The following PTPRT variants were observed in gnomAD, a reference collection of about 807,000 sequenced individuals.
PTPRT encodes the protein receptor-type tyrosine-protein phosphatase T.
PTPRT carries 56 observed loss-of-function variants against 176.8 expected under a neutral mutation model. That is an observed-to-expected ratio of 0.32 (90% CI 0.26 to 0.40). The LOEUF (loss-of-function observed/expected upper bound fraction) is 0.40, where lower values mean the gene tolerates loss of function less well. Among genes scored for constraint, PTPRT ranks in the 10% least tolerant of loss-of-function variants. PTPRT has a pLI of 1.00. For synonymous variants in PTPRT, 783 were observed against 739.0 expected (o/e 1.06, Z -0.96); for missense variants, 1,540 against 1,908.2 (o/e 0.81, Z 3.60).
chr20:42,980,923 C>T (rs1033558410), intron 1 of PTPRT, among the ~76,000 whole-genome samples: 5 of 152,162 alleles, frequency 3.3e-5, no homozygotes, highest in South Asian at 4.1e-4. Flanking sequence ...AAGGAGAGAG[C>T]GTCCCTATCT....
intron 12 of PTPRT, among the ~76,000 whole-genome samples, chr20:42,285,634 C>G (rs1196988432): frequency 6.6e-6 from 1 of 151,482 alleles, no homozygotes; most frequent in Admixed American, 6.6e-5. Context: ...ACAGGCATGG[C>G]AAAGAAAGCT....
At chr20:42,388,698 A>C (rs575073510) in intron 9 of PTPRT, among the ~76,000 whole-genome samples, 1 of 152,352 alleles carries the variant, frequency 6.6e-6, no homozygotes, top group South Asian at 2.1e-4. Context: ...TAGTTCAACC[A>C]TTGTGGAAGA....
chr20:42,160,627 C>T (rs1253328093), intron 17 of PTPRT, among the ~76,000 whole-genome samples: 3 of 152,138 alleles, frequency 2.0e-5, no homozygotes, highest in African/African-American at 7.2e-5. Flanking sequence ...GCCTTACCAG[C>T]AATGTAGATG....
At chr20:42,664,893 T>C (rs1173971511) in intron 7 of PTPRT, among the ~76,000 whole-genome samples, 1 of 152,172 alleles carries the variant, frequency 6.6e-6, no homozygotes, top group Non-Finnish European at 1.5e-5. Context: ...CGGGTAGCCA[T>C]ATGTAGAAAG....
intron 7 of PTPRT, among the ~76,000 whole-genome samples, chr20:42,475,118 C>T (rs143227886): frequency 6.6e-6 from 1 of 152,254 alleles, no homozygotes; most frequent in African/African-American, 2.4e-5. Flanking sequence ...AGACAAAACA[C>T]CACTGATGGA....
chr20:43,004,462 G>C (rs1393884232), intron 1 of PTPRT, among the ~76,000 whole-genome samples: 1 of 152,122 alleles, frequency 6.6e-6, no homozygotes, highest in East Asian at 1.9e-4. Flanking sequence ...TCAACTAATA[G>C]ACTGGTACCT....
chr20:42,679,312 C>A (rs1477237234), intron 6 of PTPRT, among the ~76,000 whole-genome samples: 37 of 149,738 alleles, frequency 2.5e-4, no homozygotes, highest in Middle Eastern at 6.9e-3. Flanking sequence ...AAAAAAAAAA[C>A]TGACAACCTA....
chr20:42,384,430 C>A (rs1054065056), intron 9 of PTPRT, among the ~76,000 whole-genome samples: 1 of 152,016 alleles, frequency 6.6e-6, no homozygotes, highest in Non-Finnish European at 1.5e-5. Flanking sequence ...GACAAGGGTG[C>A]GAGGGTGTTT....
intron 9 of PTPRT, among the ~76,000 whole-genome samples, chr20:42,365,145 T>C (rs1056957421): frequency 1.3e-5 from 2 of 152,180 alleles, no homozygotes; most frequent in East Asian, 1.9e-4. Flanking sequence ...CAACACAAAA[T>C]TATTGAGGAT....
chr20:42,773,029 T>TAACA lies in PTPRT; in HGVS notation c.569-1483_569-1480dup, dbSNP rs541511950. Among the ~76,000 whole-genome samples, 6 of 152,302 alleles carry TAACA rather than the reference T, an allele frequency of 3.9e-5. 1 individual carries two copies. The South Asian group carries it at 1.2e-3, about 32-fold the overall frequency. On this transcript the variant is annotated intron_variant, in intron 4 of 30. Coordinates refer to ENST00000373187, the MANE Select transcript of PTPRT (RefSeq NM_007050.6). Reference sequence around the variant, plus strand: ...CCACTTTAGCCCCAAACTCAGCATGTAACAAGCAGCTATGCTCCCTTGCCT... The same window carrying TAACA: ...CCACTTTAGCCCCAAACTCAGCATGTAACAAACAAGCAGCTATGCTCCCTTGCCT...
rs532968413 is a variant in PTPRT, at chr20:42,564,497, T to C, written c.1154-91935A>G. 4.6e-5 allele frequency among the ~76,000 whole-genome samples: 7 copies of C among 152,230 alleles called. No homozygotes were observed. The South Asian group carries it at 1.2e-3, about 27-fold the overall frequency. On this transcript the variant is annotated intron_variant, in intron 7 of 30. Coordinates refer to ENST00000373187, the MANE Select transcript of PTPRT (RefSeq NM_007050.6). ...CAGGAACAGAAAACCAAACACCGCA[T>C]GTTTTCACTCATAAGTGGGGGTTGA...
At chr20:43,053,218 C>T (rs1987113178) in intron 1 of PTPRT, among the ~76,000 whole-genome samples, 1 of 152,210 alleles carries the variant, frequency 6.6e-6, no homozygotes, top group South Asian at 2.1e-4. Context: ...TCTCTCTCTT[C>T]CCCATCACTC....
chr20:42,531,073 G>GAAAC (rs1568954576), intron 7 of PTPRT, among the ~76,000 whole-genome samples: 1 of 152,232 alleles, frequency 6.6e-6, no homozygotes, highest in East Asian at 1.9e-4. Context: ...CCCACCTGCG[G>GAAAC]TTTGGAAGCT....
At chr20:43,158,701 A>G (rs2014598672) in intron 1 of PTPRT, among the ~76,000 whole-genome samples, 1 of 152,156 alleles carries the variant, frequency 6.6e-6, no homozygotes, top group African/African-American at 2.4e-5. Flanking sequence ...ACTCTATAAC[A>G]ATACTGGTAC....
intron 1 of PTPRT, chr20:42,971,408 CA>C (rs1164341534): frequency 4.6e-5 from 7 of 152,148 alleles, no homozygotes; most frequent in African/African-American, 1.7e-4. Context: ...ATAAATAAAT[CA>C]GAAATCAGAT....
At chr20:42,230,952 A>G (rs2056121859) in intron 15 of PTPRT, among the ~76,000 whole-genome samples, 1 of 152,128 alleles carries the variant, frequency 6.6e-6, no homozygotes, top group African/African-American at 2.4e-5. Context: ...CCCCTTTCAT[A>G]ACCTCTTGCT....
At chr20:42,793,211 AC>A (rs1367435157) in intron 2 of PTPRT, among the ~76,000 whole-genome samples, 2 of 152,220 alleles carry the variant, frequency 1.3e-5, no homozygotes, top group African/African-American at 4.8e-5. Context: ...TATAAGGGAT[AC>A]AAGTGCAGCT....
chr20:42,949,667 G>A (rs1401458509), intron 1 of PTPRT, among the ~76,000 whole-genome samples: 4 of 152,162 alleles, frequency 2.6e-5, no homozygotes, highest in African/African-American at 4.8e-5. Flanking sequence ...ATGACCCACA[G>A]AATCATGAAC....
At chr20:43,032,413 G>A (rs1194654859) in intron 1 of PTPRT, among the ~76,000 whole-genome samples, 2 of 149,272 alleles carry the variant, frequency 1.3e-5, no homozygotes, top group African/African-American at 5.0e-5. Context: ...GAGCAAAAGA[G>A]CCTCGGTGAT....
Sources: allele counts gnomAD v4.1 joint callset (sites outside exome capture counted in the v4.1 genomes callset), GRCh38; gene constraint gnomAD v4.1.1; transcripts MANE v1.5; gene names NCBI Gene and HGNC (gene_info 2026-07-23, HGNC 2026-07-21).